Variants in MTNR1B observed in about 807,000 individuals in gnomAD.
MTNR1B encodes melatonin receptor 1B.
MTNR1B carries 7 observed loss-of-function variants against 7.0 expected under a neutral mutation model. The ratio of observed to expected loss-of-function variants is 1.00; its 90% CI spans 0.57 to 1.88. The LOEUF (loss-of-function observed/expected upper bound fraction) is 1.88. MTNR1B is among the 40% of genes most tolerant of loss of function. The pLI is 0.00. For missense variants in MTNR1B, 478 were observed against 486.5 expected (o/e 0.98, Z 0.16); for synonymous variants, 226 against 208.2 (o/e 1.09, Z -0.74).
chr11:92,977,063 TGAA>T (rs1858020085), intron 1 of MTNR1B, among the ~76,000 whole-genome samples: 1 of 152,256 alleles, frequency 6.6e-6, no homozygotes, highest in Non-Finnish European at 1.5e-5. Context: ...TGATGGTTAT[TGAA>T]GAATATTTTG....
chr11:92,971,362 T>C (rs1172791648), intron 1 of MTNR1B, among the ~76,000 whole-genome samples: 1 of 152,196 alleles, frequency 6.6e-6, no homozygotes, highest in Non-Finnish European at 1.5e-5. Flanking sequence ...AGAAGTAAAC[T>C]TTCTAACTCA....
chr11:92,979,980 G>C (rs1214356225), intron 1 of MTNR1B, among the ~76,000 whole-genome samples: 2 of 152,162 alleles, frequency 1.3e-5, no homozygotes, highest in East Asian at 1.9e-4. Flanking sequence ...CAGCTGGGCG[G>C]CTCTCAGCCT....
At position 92,969,753 on chromosome 11, in the gene MTNR1B, T is replaced by A; in HGVS notation, c.28T>A (p.Cys10Ser). The A allele has an allele frequency of 6.7e-7, 1 of 1,499,274 alleles. No individual in the cohort carries two copies. The highest frequency in any genetic ancestry group is 8.9e-7 in the Non-Finnish European group (1 of 1,122,308). 92.9% of individuals were successfully genotyped at this position (1,499,274 alleles called of 1,614,324 possible). A position where few individuals can be genotyped will look rare whatever the true frequency, so the allele number is the denominator to read the frequency against. MSENGSFANCCEAGGWAVRP... is the reference protein window; with the variant it reads MSENGSFANSCEAGGWAVRP... ...GTCAGAGAACGGCTCCTTCGCCAAC[T>A]GCTGCGAGGCGGGCGGGTGGGCAGT... is the stretch of plus-strand genomic sequence containing the variant. The change falls in exon 1 of 2, where the codon TGC becomes AGC. Residue 10 changes from cysteine (C) to serine (S), a missense_variant. By Grantham distance (112) the Cys-to-Ser change is moderately radical. Coordinates refer to ENST00000257068, the MANE Select transcript of MTNR1B (RefSeq NM_005959.5).
downstream of MTNR1B, among the ~76,000 whole-genome samples, chr11:92,982,946 C>CA (rs1166624978): frequency 1.5e-3 from 140 of 95,226 alleles, 1 homozygote; most frequent in South Asian, 7.0e-3. Context: ...ACCCCCCCCC[C>CA]CCACACACAC....
chr11:92,982,343 A>T lies in MTNR1B; in HGVS notation c.*31A>T. On this transcript the variant is annotated 3_prime_UTR_variant, in exon 2 of 2. Transcript: ENST00000257068. ...ATCTGAGGCACACCAGCAGCATGAC[A>T]AACTCATGAAATGGTGGGAGAGAGT... is the stretch of plus-strand genomic sequence containing the variant. The T allele has an allele frequency of 6.3e-7, 1 of 1,589,640 alleles. No individual in the cohort carries two copies. Among genetic ancestry groups the T allele is most frequent in the South Asian group, 1.2e-5 (1 of 86,726 alleles).
At chr11:92,980,476 G>T (rs929458896) in intron 1 of MTNR1B, among the ~76,000 whole-genome samples, 11 of 152,190 alleles carry the variant, frequency 7.2e-5, no homozygotes, top group African/African-American at 2.7e-4. Flanking sequence ...GTTTTAGAAC[G>T]CAAACACTTG....
rs766104801 is a variant in MTNR1B, at chr11:92,982,047, C to T, written c.824C>T (p.Ala275Val). ...APLNCIGLAV[A>V]INPQEMAPQI... Reference sequence around the variant, plus strand: ...CTTAACTGCATCGGCCTCGCTGTGGCCATCAACCCCCAAGAAATGGCTCCC... The same window carrying T: ...CTTAACTGCATCGGCCTCGCTGTGGTCATCAACCCCCAAGAAATGGCTCCC... The change falls in exon 2 of 2, where the codon GCC (alanine) becomes GTC (valine). Residue 275 changes from alanine (A) to valine (V), a missense_variant. Physicochemically the swap from Ala to Val is moderately conservative, Grantham distance 64. Coordinates refer to ENST00000257068, the MANE Select transcript of MTNR1B (RefSeq NM_005959.5). 18 of 1,614,098 alleles carry T rather than the reference C, an allele frequency of 1.1e-5. No homozygotes were observed. The East Asian group carries it at 3.8e-4, about 34-fold the overall frequency.
intron 1 of MTNR1B, 83 bp from the exon 2 acceptor site, chr11:92,981,364 A>G (rs1565180787): frequency 6.6e-7 from 1 of 1,520,682 alleles, no homozygotes; most frequent in South Asian, 1.3e-5. Flanking sequence ...CATTGCCAAA[A>G]GTAACTTCGT....
In MTNR1B at chr11:92,982,229, G is replaced by A. The variant is rs149192012; in HGVS notation, c.1006G>A (p.Ala336Thr). 17 of 1,614,212 alleles carry A rather than the reference G, an allele frequency of 1.1e-5. No homozygotes were observed. Among genetic ancestry groups the A allele is most frequent in the Non-Finnish European group, 1.3e-5 (15 of 1,180,044 alleles). The part of the protein sequence containing the change: ...LWNPRHCIQD[A>T]SKGSHAEGLQ... Reference sequence around the variant, plus strand: ...GAACCCACGGCACTGCATTCAAGATGCTTCCAAGGGCAGCCACGCGGAGGG... The same window carrying A: ...GAACCCACGGCACTGCATTCAAGATACTTCCAAGGGCAGCCACGCGGAGGG... Residue 336 changes from alanine to threonine, a missense_variant, in exon 2 of 2, where the codon GCT becomes ACT. Coordinates refer to ENST00000257068, the MANE Select transcript of MTNR1B (RefSeq NM_005959.5).
At chr11:92,974,071 A>ATCACAC (rs1857973759) in intron 1 of MTNR1B, among the ~76,000 whole-genome samples, 1 of 152,132 alleles carries the variant, frequency 6.6e-6, no homozygotes, top group Admixed American at 6.5e-5. Context: ...TGTGTGAGTA[A>ATCACAC]AGTTGCTCAG....
chr11:92,980,058 C>T (rs1858073393), intron 1 of MTNR1B, among the ~76,000 whole-genome samples: 2 of 152,190 alleles, frequency 1.3e-5, no homozygotes, highest in Admixed American at 6.5e-5. Flanking sequence ...TTTGGGGGCT[C>T]TTTCCACCTG....
rs370641241 is a variant in MTNR1B at position 92,981,667 on chromosome 11, C to T, written c.444C>T (p.Tyr148=). 6.2e-7 allele frequency: 1 copy of T among 1,614,226 alleles called. No homozygotes were observed. Among genetic ancestry groups the T allele is most frequent in the East Asian group, 2.2e-5 (1 of 44,882 alleles). ...RYCYICHSMA[Y]HRIYRRWHTP... ...GCTACATCTGCCACAGCATGGCCTA[C>T]CACCGAATCTACCGGCGCTGGCACA... The change falls in exon 2 of 2, where the codon TAC becomes TAT. Residue 148 remains tyrosine (Y), a synonymous_variant. Coordinates refer to ENST00000257068, the MANE Select transcript of MTNR1B (RefSeq NM_005959.5).
intron 1 of MTNR1B, among the ~76,000 whole-genome samples, chr11:92,976,013 G>A (rs1858005086): frequency 6.6e-6 from 1 of 152,144 alleles, no homozygotes. Context: ...CCTCTTCACT[G>A]AGCAAAAATG....
At chr11:92,976,561 T>G (rs1403985800) in intron 1 of MTNR1B, among the ~76,000 whole-genome samples, 1 of 152,164 alleles carries the variant, frequency 6.6e-6, no homozygotes, top group African/African-American at 2.4e-5. Context: ...CAAAGGGATA[T>G]TCCTTCCTAA....
At chr11:92,977,602 C>A (rs1443663485) in intron 1 of MTNR1B, among the ~76,000 whole-genome samples, 1 of 152,182 alleles carries the variant, frequency 6.6e-6, no homozygotes, top group Non-Finnish European at 1.5e-5. Context: ...CCATATCCTG[C>A]CATTGTCCCC....
At chr11:92,977,878 C>G (rs544672764) in intron 1 of MTNR1B, among the ~76,000 whole-genome samples, 1 of 152,192 alleles carries the variant, frequency 6.6e-6, no homozygotes, top group African/African-American at 2.4e-5. Flanking sequence ...TGTTAGAAAA[C>G]ATAGATCATT....
downstream of MTNR1B, among the ~76,000 whole-genome samples, chr11:92,983,234 G>T (rs1458318217): frequency 6.6e-6 from 1 of 152,130 alleles, no homozygotes; most frequent in Non-Finnish European, 1.5e-5. Flanking sequence ...TACATAAAAT[G>T]AAGGAGAAAA....
chr11:92,970,299 C>T (rs1565177807), intron 1 of MTNR1B, among the ~76,000 whole-genome samples: 2 of 152,230 alleles, frequency 1.3e-5, no homozygotes, highest in African/African-American at 4.8e-5. Context: ...CATCAGGCCA[C>T]AGAAATCTCA....
intron 1 of MTNR1B, 23 bp from the exon 2 acceptor site, chr11:92,981,424 T>G (rs1321988823): frequency 2.5e-6 from 4 of 1,604,234 alleles, no homozygotes; most frequent in Non-Finnish European, 2.6e-6. Flanking sequence ...TCGTGCTGAC[T>G]GTTGCTCTGT....
Sources: allele counts gnomAD v4.1 joint callset (sites outside exome capture counted in the v4.1 genomes callset), GRCh38; gene constraint gnomAD v4.1.1; transcripts MANE v1.5; gene names NCBI Gene and HGNC (gene_info 2026-07-23, HGNC 2026-07-21).